The following TRPC5 variants were observed in gnomAD, a reference collection of about 807,000 sequenced individuals.
The protein encoded by TRPC5 is transient receptor potential cation channel subfamily C member 5.
In TRPC5, 9 loss-of-function variants were observed where a neutral mutation model predicts 56.5. The observed-to-expected ratio is 0.16, with a 90% confidence interval of 0.10 to 0.28. The LOEUF is 0.28. Among genes scored for constraint, TRPC5 ranks in the 10% least tolerant of loss-of-function variants. The pLI is 1.00. For synonymous variants in TRPC5, 282 were observed against 278.5 expected (o/e 1.01, Z -0.13); for missense variants, 469 against 748.9 (o/e 0.63, Z 4.36).
intron 3 of TRPC5, among the ~76,000 whole-genome samples, chrX:111,890,564 C>G (rs1045947398): frequency 8.1e-5 from 9 of 111,196 alleles, no homozygotes; most frequent in African/African-American, 2.6e-4. Context: ...TCCTGTACAC[C>G]AAGAGACAAA....
rs139112907 is a variant in TRPC5, at chrX:112,045,853, A to G, written c.-22+36026T>C. Among the ~76,000 whole-genome samples, 716 of 111,824 alleles carry G rather than the reference A, an allele frequency of 6.4e-3. 4 individuals carry two copies. Among genetic ancestry groups the G allele is most frequent in the African/African-American group, 0.022 (691 of 30,759 alleles). ...TTCGATTTATCAAACTGGGAAAATA[A>G]AGTCCACGTGGCTTTCCAGGGGTTA... On this transcript the variant is annotated intron_variant, in intron 1 of 10. Coordinates refer to ENST00000262839, the MANE Select transcript of TRPC5 (RefSeq NM_012471.3).
chrX:111,988,682 C>T (rs1928274002), intron 1 of TRPC5, among the ~76,000 whole-genome samples: 2 of 110,804 alleles, frequency 1.8e-5, no homozygotes, highest in Admixed American at 9.7e-5. Flanking sequence ...AATATATATT[C>T]GCTAAATAAA....
intron 7 of TRPC5, among the ~76,000 whole-genome samples, chrX:111,805,540 G>T (rs954060990): frequency 2.7e-5 from 3 of 111,435 alleles, no homozygotes; most frequent in Non-Finnish European, 3.8e-5. Context: ...CATATTTATT[G>T]AGCTGAAAAA....
intron 7 of TRPC5, among the ~76,000 whole-genome samples, chrX:111,822,705 G>C (rs1439483085): frequency 8.9e-6 from 1 of 112,133 alleles, no homozygotes. Flanking sequence ...AAGTTATTAA[G>C]TTTATTCATT....
chrX:111,927,144 G>A (rs1475300815), intron 2 of TRPC5, among the ~76,000 whole-genome samples: 3 of 111,914 alleles, frequency 2.7e-5, no homozygotes, highest in Non-Finnish European at 5.6e-5. Flanking sequence ...TTTCATTGTG[G>A]GGAGCCATCC....
intron 1 of TRPC5, among the ~76,000 whole-genome samples, chrX:111,966,767 C>T (rs2148645844): frequency 8.9e-6 from 1 of 112,229 alleles, no homozygotes; most frequent in East Asian, 2.8e-4. Context: ...AGGCTTTTGA[C>T]AAAATTCAAC....
At chrX:111,964,159 G>A (rs1365895025) in intron 1 of TRPC5, among the ~76,000 whole-genome samples, 3 of 112,172 alleles carry the variant, frequency 2.7e-5, no homozygotes, top group African/African-American at 9.7e-5. Flanking sequence ...GCCAAGGCTC[G>A]AGAACTACGT....
At chrX:111,895,433 G>T (rs1197830267) in intron 3 of TRPC5, among the ~76,000 whole-genome samples, 1 of 111,901 alleles carries the variant, frequency 8.9e-6, no homozygotes, top group Non-Finnish European at 1.9e-5. Flanking sequence ...GTAGTGGATA[G>T]AAGTCCTTTG....
intron 7 of TRPC5, among the ~76,000 whole-genome samples, chrX:111,789,476 A>G (rs1047676939): frequency 2.7e-5 from 3 of 112,432 alleles, no homozygotes; most frequent in Non-Finnish European, 3.7e-5. Flanking sequence ...AAGAAAACCT[A>G]GGCAATACCA....
intron 1 of TRPC5, among the ~76,000 whole-genome samples, chrX:111,961,105 C>T (rs764247885): frequency 1.3e-3 from 145 of 111,885 alleles, no homozygotes; most frequent in Non-Finnish European, 2.2e-3. Flanking sequence ...CCAACGTGCC[C>T]GGCCTACAAA....
intron 7 of TRPC5, among the ~76,000 whole-genome samples, chrX:111,819,883 C>A: frequency 8.9e-6 from 1 of 111,776 alleles, no homozygotes; most frequent in Admixed American, 9.5e-5. Context: ...AATGAACAAA[C>A]ACACCTGGCA....
chrX:111,834,147 T>A (rs1029648293), intron 7 of TRPC5, among the ~76,000 whole-genome samples: 2 of 112,288 alleles, frequency 1.8e-5, no homozygotes, highest in Non-Finnish European at 3.8e-5. Context: ...ACTAAATTGA[T>A]CCTGTATCCT....
At position 111,768,119 on chromosome X, in the gene TRPC5, G is replaced by A. The variant is rs1052417927; in HGVS notation, c.*8194C>T. Among the ~76,000 whole-genome samples the A allele has an allele frequency of 8.9e-6, 1 of 112,249 alleles. No homozygotes were observed. The highest frequency in any genetic ancestry group is 1.9e-5 in the Non-Finnish European group (1 of 53,195). On this transcript the variant is annotated 3_prime_UTR_variant, in exon 11 of 11. Coordinates refer to ENST00000262839, the MANE Select transcript of TRPC5 (RefSeq NM_012471.3). Reference sequence around the variant, plus strand: ...TTTAATACATTAAGATTGACACTGTGCACTTACAGAAAGTGTTTAAATAAA... The same window carrying A: ...TTTAATACATTAAGATTGACACTGTACACTTACAGAAAGTGTTTAAATAAA...
At chrX:112,037,721 T>TA (rs1218258353) in intron 1 of TRPC5, among the ~76,000 whole-genome samples, 2 of 111,454 alleles carry the variant, frequency 1.8e-5, no homozygotes, top group Non-Finnish European at 3.8e-5. Context: ...TGCATTTTTT[T>TA]AAAAAAAAGT....
chrX:111,801,833 G>T (rs1921320223), intron 7 of TRPC5, among the ~76,000 whole-genome samples: 1 of 111,810 alleles, frequency 8.9e-6, no homozygotes, highest in African/African-American at 3.2e-5. Flanking sequence ...TATTCTGTGG[G>T]CTGTCTTCTG....
chrX:111,969,241 G>T (rs949008995), intron 1 of TRPC5, among the ~76,000 whole-genome samples: 4 of 111,102 alleles, frequency 3.6e-5, no homozygotes, highest in Non-Finnish European at 7.5e-5. Context: ...ATTAAGGTTT[G>T]TATATTGTTT....
At chrX:111,785,686 C>T (rs1252599359) in intron 7 of TRPC5, among the ~76,000 whole-genome samples, 1 of 111,536 alleles carries the variant, frequency 9.0e-6, no homozygotes, top group Non-Finnish European at 1.9e-5. Flanking sequence ...AGACGAATGG[C>T]TAACTAGAAT....
intron 1 of TRPC5, among the ~76,000 whole-genome samples, chrX:112,060,659 C>T (rs1169452845): frequency 9.0e-6 from 1 of 111,624 alleles, no homozygotes; most frequent in Non-Finnish European, 1.9e-5. Flanking sequence ...TGCACATGAA[C>T]CTATCATCAC....
At chrX:112,059,721 A>C (rs1283009274) in intron 1 of TRPC5, among the ~76,000 whole-genome samples, 1 of 112,116 alleles carries the variant, frequency 8.9e-6, no homozygotes, top group East Asian at 2.8e-4. Context: ...GAATAGGACC[A>C]AGTTAGGGCA....
Sources: allele counts gnomAD v4.1 joint callset (sites outside exome capture counted in the v4.1 genomes callset), GRCh38; gene constraint gnomAD v4.1.1; transcripts MANE v1.5; gene names NCBI Gene and HGNC (gene_info 2026-07-23, HGNC 2026-07-21).